The following CNTLN variants were observed in gnomAD, a reference collection of about 807,000 sequenced individuals.
CNTLN encodes the protein centlein, centrosomal protein.
A neutral mutation model predicts 180.0 loss-of-function variants in CNTLN; 212 were observed. The ratio of observed to expected loss-of-function variants is 1.18; its 90% confidence interval spans 1.05 to 1.32. The LOEUF is 1.32. Among genes scored for constraint, CNTLN ranks in the 40% most tolerant of loss-of-function variants. The probability of loss-of-function intolerance (pLI) is 0.00; values close to 1 mark genes in which losing one functional copy is unlikely to be tolerated. For synonymous variants in CNTLN, 722 were observed against 563.1 expected, an observed-to-expected ratio of 1.28 and a Z score of -3.99; for missense variants, 2,095 against 1,610.9, an observed-to-expected ratio of 1.30 and a Z score of -5.14.
intron 18 of CNTLN, among the ~76,000 whole-genome samples, chr9:17,426,958 T>C (rs912653101): frequency 6.6e-6 from 1 of 152,186 alleles, no homozygotes; most frequent in Non-Finnish European, 1.5e-5. Flanking sequence ...GTCACAGATA[T>C]AAACATTCCC....
intron 10 of CNTLN, among the ~76,000 whole-genome samples, chr9:17,335,213 C>T (rs1254819534): frequency 6.6e-6 from 1 of 152,132 alleles, no homozygotes. Flanking sequence ...TTGTTCAAAC[C>T]TGAAGATTAG....
chr9:17,337,250 T>C (rs1821114126), intron 10 of CNTLN, among the ~76,000 whole-genome samples: 1 of 152,144 alleles, frequency 6.6e-6, no homozygotes, highest in Admixed American at 6.5e-5. Context: ...TTTTTTCCAT[T>C]CTGTAGGTTG....
chr9:17,411,246 C>T (rs1453050742), intron 16 of CNTLN, among the ~76,000 whole-genome samples: 1 of 152,086 alleles, frequency 6.6e-6, no homozygotes, highest in East Asian at 1.9e-4. Context: ...TCAGACAATA[C>T]ATGCCCTGGA....
At chr9:17,237,335 C>T (rs1007262923) in intron 5 of CNTLN, among the ~76,000 whole-genome samples, 1 of 144,634 alleles carries the variant, frequency 6.9e-6, no homozygotes, top group African/African-American at 2.6e-5. Context: ...ATATGGTGGT[C>T]TCTCCATGTA....
intron 2 of CNTLN, among the ~76,000 whole-genome samples, chr9:17,194,738 C>G (rs1050126546): frequency 2.0e-5 from 3 of 152,134 alleles, no homozygotes; most frequent in Admixed American, 6.5e-5. Context: ...AGCAACCCCC[C>G]ACTCTACTGG....
At chr9:17,175,879 A>G (rs1248134755) in intron 2 of CNTLN, among the ~76,000 whole-genome samples, 1 of 152,098 alleles carries the variant, frequency 6.6e-6, no homozygotes, top group Non-Finnish European at 1.5e-5. Flanking sequence ...ATGATGGTAA[A>G]TGATACTGTA....
intron 13 of CNTLN, among the ~76,000 whole-genome samples, chr9:17,369,965 G>A (rs1331162575): frequency 1.4e-5 from 2 of 147,406 alleles, no homozygotes; most frequent in Non-Finnish European, 3.0e-5. Context: ...CCAGCCTGGT[G>A]ACAAAGCGAG....
At chr9:17,242,765 T>G (rs1825573220) in intron 5 of CNTLN, among the ~76,000 whole-genome samples, 1 of 152,208 alleles carries the variant, frequency 6.6e-6, no homozygotes, top group Non-Finnish European at 1.5e-5. Context: ...TTATTGAGGA[T>G]TTTTGGTATC....
At chr9:17,512,488 A>T in the CNTLN span, among the ~76,000 whole-genome samples, 1 of 152,218 alleles carries the variant, frequency 6.6e-6, no homozygotes, top group Non-Finnish European at 1.5e-5. Context: ...GGACATAAAG[A>T]TGGAAACAGT....
chr9:17,189,544 C>A (rs776105237), intron 2 of CNTLN, among the ~76,000 whole-genome samples: 1 of 151,114 alleles, frequency 6.6e-6, no homozygotes, highest in Non-Finnish European at 1.5e-5. Context: ...AGTGCAGTGG[C>A]GTGATCTTGG....
intron 25 of CNTLN, among the ~76,000 whole-genome samples, chr9:17,491,310 A>C (rs1833149689): frequency 6.6e-6 from 1 of 152,130 alleles, no homozygotes; most frequent in Admixed American, 6.6e-5. Flanking sequence ...AAGAGATAAA[A>C]ATTCACTACT....
chr9:17,394,858 G>C lies in CNTLN; in HGVS notation c.2404G>C (p.Ala802Pro). The C allele has an allele frequency of 6.2e-7, 1 of 1,613,968 alleles. No homozygotes were observed. The change falls in exon 15 of 26, where the codon GCA becomes CCA. Residue 802 changes from alanine (A) to proline (P), a missense_variant. Ala to Pro is a conservative substitution (Grantham distance 27). Transcript: ENST00000380647. ...CCCAATGGAGAAATCACACCAGTCAGCAGACAGAGCTAAATCCGAGATGGC... is the reference window on the plus strand; with the variant it reads ...CCCAATGGAGAAATCACACCAGTCACCAGACAGAGCTAAATCCGAGATGGC... ...INPMEKSHQS[A>P]DRAKSEMATM...
At chr9:17,145,606 T>A (rs1370738927) in intron 2 of CNTLN, among the ~76,000 whole-genome samples, 2 of 152,334 alleles carry the variant, frequency 1.3e-5, no homozygotes, top group Middle Eastern at 3.4e-3. Context: ...TTATAAAGAA[T>A]GTCTACGTCC....
intron 1 of CNTLN, 81 bp from the exon 2 acceptor site, chr9:17,143,207 T>A (rs1818224969): frequency 2.0e-6 from 2 of 978,934 alleles, no homozygotes; most frequent in Admixed American, 4.3e-5. Flanking sequence ...TAATTGTTTT[T>A]TCATTTTAAA....
chr9:17,295,803 G>A (rs929544990), intron 6 of CNTLN, among the ~76,000 whole-genome samples: 2 of 152,076 alleles, frequency 1.3e-5, no homozygotes, highest in Non-Finnish European at 2.9e-5. Context: ...TGTGTGGGGC[G>A]ATAGAAATAA....
At chr9:17,309,008 A>G (rs1818939886) in intron 7 of CNTLN, 50 bp from the exon 8 acceptor site, 1 of 1,265,086 alleles carries the variant, frequency 7.9e-7, no homozygotes, top group East Asian at 2.5e-5. Context: ...ACACACAGAC[A>G]CATAGTTTTA....
At chr9:17,347,804 A>C (rs1822032354) in intron 12 of CNTLN, among the ~76,000 whole-genome samples, 1 of 152,144 alleles carries the variant, frequency 6.6e-6, no homozygotes, top group Admixed American at 6.5e-5. Flanking sequence ...AGTTGGGCAA[A>C]ACTATCTAAC....
intron 13 of CNTLN, among the ~76,000 whole-genome samples, chr9:17,380,532 A>G (rs1200674626): frequency 6.6e-6 from 1 of 152,124 alleles, no homozygotes; most frequent in Admixed American, 6.6e-5. Flanking sequence ...CAGTCCATTG[A>G]CGTACAACAA....
intron 8 of CNTLN, among the ~76,000 whole-genome samples, chr9:17,327,265 G>T (rs1235327998): frequency 7.5e-6 from 1 of 134,062 alleles, no homozygotes. Context: ...AGGCTGGAGG[G>T]CAGTGGCGCA....
Sources: gnomAD v4.1 joint callset for allele counts (sites outside exome capture counted in the v4.1 genomes callset) on GRCh38, gnomAD v4.1.1 for gene constraint, MANE v1.5 for transcripts, NCBI Gene and HGNC (gene_info 2026-07-23, HGNC 2026-07-21) for gene names.